NIP7: variants seen among roughly 807,000 people sequenced by gnomAD.
NIP7 encodes the protein 60S ribosome subunit biogenesis protein NIP7 homolog.
Under a neutral mutation model 20.1 loss-of-function variants are expected in NIP7, and 12 were observed. The ratio of observed to expected loss-of-function variants is 0.60; its 90% CI spans 0.38 to 0.97. The LOEUF (loss-of-function observed/expected upper bound fraction) is 0.97, where lower values mean the gene tolerates loss of function less well. Ranked by LOEUF, NIP7 falls within the 50% of genes least tolerant of loss-of-function variation. The pLI is 0.00. For synonymous variants in NIP7, 103 were observed against 87.2 expected, an observed-to-expected ratio of 1.18 and a Z score of -1.01; for missense variants, 226 against 226.6, an observed-to-expected ratio of 1.00 and a Z score of 0.02.
intron 4 of NIP7, 69 bp from the exon 5 acceptor site, chr16:69,341,464 A>C (rs774334140): frequency 6.3e-7 from 1 of 1,591,122 alleles, no homozygotes; most frequent in South Asian, 1.1e-5. Context: ...CGTCTTTGTT[A>C]TTTCCAGCCC....
rs897152092 is a variant in NIP7 at position 69,339,807 on chromosome 16, G to A, written c.-23G>A. 6.2e-7 allele frequency: 1 copy of A among 1,612,158 alleles called. No individual in the cohort carries two copies. The highest frequency in any genetic ancestry group is 8.5e-7 in the Non-Finnish European group (1 of 1,179,824). Reference sequence around the variant, plus strand: ...TCCAGTTACCAAGGCACGAGGATCCGGTGTTCCAACCCAGGGGGAAAAATG... The same window carrying A: ...TCCAGTTACCAAGGCACGAGGATCCAGTGTTCCAACCCAGGGGGAAAAATG... On this transcript the variant is annotated 5_prime_UTR_variant, in exon 1 of 5. Transcript: ENST00000254940.
At position 69,342,866 on chromosome 16, in the gene NIP7, A is replaced by G. The variant is rs2012599026; in HGVS notation, c.*1214A>G. 1 of 152,136 alleles carries G rather than the reference A, an allele frequency of 6.6e-6. No homozygotes were observed. Among genetic ancestry groups the G allele is most frequent in the Admixed American group, 6.6e-5 (1 of 15,252 alleles). The allele number at this position is 152,136 out of a possible 1,614,324, so 9.4% of individuals were successfully genotyped here. On this transcript the variant is annotated 3_prime_UTR_variant, in exon 5 of 5. Transcript: ENST00000254940. ...ACCTTTACTTACTTGACTGGATTGG[A>G]CTAAAAGCACTGATCAGAGGCCACG...
In NIP7 at chr16:69,342,890, C is replaced by A. The variant is rs531739204; in HGVS notation, c.*1238C>A. On this transcript the variant is annotated 3_prime_UTR_variant, in exon 5 of 5. Coordinates refer to ENST00000254940, the MANE Select transcript of NIP7 (RefSeq NM_016101.5). ...GACTAAAAGCACTGATCAGAGGCCA[C>A]GACATAAAAATTCAGTCCCTTTGTC... 1 of 152,568 alleles carries A rather than the reference C, an allele frequency of 6.6e-6. No homozygotes were observed. Among genetic ancestry groups the A allele is most frequent in the East Asian group, 1.9e-4 (1 of 5,180 alleles). The allele number at this position is 152,568 out of a possible 1,614,324, so 9.5% of individuals were successfully genotyped here.
rs746203347 is a variant in NIP7, at chr16:69,340,287, T to C, written c.237T>C (p.Phe79=). 1 of 1,613,958 alleles carries C rather than the reference T, an allele frequency of 6.2e-7. No homozygotes were observed. Among genetic ancestry groups the C allele is most frequent in the Non-Finnish European group, 8.5e-7 (1 of 1,180,044 alleles). ...GAAAATTCACTAAAACCCACAAGTT[T>C]CGGTTGCACGTCACAGCTCTGGATT... ...CFGKFTKTHK[F]RLHVTALDYL... The change falls in exon 3 of 5, where the codon TTT becomes TTC. Residue 79 remains phenylalanine (F), a synonymous_variant. Coordinates refer to ENST00000254940, the MANE Select transcript of NIP7 (RefSeq NM_016101.5).
chr16:69,341,336 A>C lies in NIP7; in HGVS notation c.423+16A>C. On this transcript the variant is annotated intron_variant, in intron 4 of 4. Transcript: ENST00000254940. Reference sequence around the variant, plus strand: ...CATCCCTTTGGTGAGTAGAGATGGTAGCTGTTACAGAACTCAAGTACTCTT... The same window carrying C: ...CATCCCTTTGGTGAGTAGAGATGGTCGCTGTTACAGAACTCAAGTACTCTT... 1 of 1,612,512 alleles carries C rather than the reference A, an allele frequency of 6.2e-7. No individual in the cohort carries two copies. The highest frequency in any genetic ancestry group is 1.3e-5 in the African/African-American group (1 of 74,644).
At chr16:69,340,901 C>G (rs990870360) in intron 3 of NIP7, 1 of 292,242 alleles carries the variant, frequency 3.4e-6, no homozygotes, top group South Asian at 3.6e-5. Flanking sequence ...TTAGTAGAGA[C>G]AGTGTTTCAC....
At chr16:69,341,149 T>C in intron 3 of NIP7, 31 bp from the exon 4 acceptor site, 1 of 1,592,938 alleles carries the variant, frequency 6.3e-7, no homozygotes. Flanking sequence ...AGTAACGTTT[T>C]TATGTCTCTT....
rs1232541857 is a variant in NIP7, at chr16:69,342,352, T to TGG, written c.*702_*703dup. 1 of 152,252 alleles carries TGG rather than the reference T, an allele frequency of 6.6e-6. No individual in the cohort carries two copies. Among genetic ancestry groups the TGG allele is most frequent in the Non-Finnish European group, 1.5e-5 (1 of 68,032 alleles). The allele number at this position is 152,252 out of a possible 1,614,324, so 9.4% of individuals were successfully genotyped here. A position where few individuals can be genotyped will look rare whatever the true frequency, so the allele number is the denominator to read the frequency against. On this transcript the variant is annotated 3_prime_UTR_variant, in exon 5 of 5. Transcript: ENST00000254940. ...GCTCGCGCCTGTAATCCCAGCACTT[T>TGG]GGGAGGCCAAGGCGGACGGATCACT...
rs1164796733 is a variant in NIP7, at chr16:69,340,329, C to T, written c.279C>T (p.Ala93=). The part of the protein sequence containing the change: ...VTALDYLAPY[A]KYKVWIKPGA... ...CTCTGGATTACCTTGCACCTTATGCCAAGGTTTGTGGGGCGGTTTCCAATT... is the reference window on the plus strand; with the variant it reads ...CTCTGGATTACCTTGCACCTTATGCTAAGGTTTGTGGGGCGGTTTCCAATT... The change falls in exon 3 of 5, where the codon GCC becomes GCT. Residue 93 remains alanine, a synonymous_variant. Coordinates refer to ENST00000254940, the MANE Select transcript of NIP7 (RefSeq NM_016101.5). The T allele has an allele frequency of 1.9e-6, 3 of 1,611,500 alleles. No individual in the cohort carries two copies. The African/African-American group carries it at 4.0e-5, about 21-fold the overall frequency.
intron 3 of NIP7, 112 bp from the exon 4 acceptor site, chr16:69,341,068 T>G: frequency 1.1e-6 from 1 of 918,350 alleles, no homozygotes; most frequent in Non-Finnish European, 1.6e-6. Flanking sequence ...TGAGTCTCTC[T>G]GTTTCCCTTA....
rs2142673730 is a variant in NIP7, at chr16:69,341,964, C to T, written c.*312C>T. On this transcript the variant is annotated 3_prime_UTR_variant, in exon 5 of 5. Transcript: ENST00000254940. ...AGGAACAAGAATAGCTTATTGTTAT[C>T]TGTGATAACACTGTTTTCTAAACAC... 4.7e-6 allele frequency: 1 copy of T among 214,580 alleles called. No homozygotes were observed. Among genetic ancestry groups the T allele is most frequent in the Non-Finnish European group, 9.3e-6 (1 of 107,250 alleles). The allele number at this position is 214,580 out of a possible 1,614,324, so 13.3% of individuals were successfully genotyped here. A position where few individuals can be genotyped will look rare whatever the true frequency, so the allele number is the denominator to read the frequency against.
chr16:69,339,973 G>A (rs1387325324), intron 1 of NIP7, 33 bp from the exon 2 acceptor site: 5 of 1,613,158 alleles, frequency 3.1e-6, no homozygotes, highest in Non-Finnish European at 3.4e-6. Flanking sequence ...CGGTTCGTTC[G>A]GGCGCGGTCT....
At chr16:69,340,909 C>T (rs2012516737) in intron 3 of NIP7, 1 of 314,564 alleles carries the variant, frequency 3.2e-6, no homozygotes. Flanking sequence ...GACAGTGTTT[C>T]ACTGTGTTGG....
In NIP7 at chr16:69,341,396, G is replaced by A; in HGVS notation, c.423+76G>A. ...GGGTATGTCTTCAATCTGAGTGCTT[G>A]AGAGAATAAATTCTCAGCACGTTTT... On this transcript the variant is annotated intron_variant, in intron 4 of 4. Transcript: ENST00000254940. 2.5e-6 allele frequency: 4 copies of A among 1,572,832 alleles called. No homozygotes were observed. The South Asian group carries it at 3.4e-5, about 14-fold the overall frequency.
chr16:69,340,050 C>A lies in NIP7; in HGVS notation c.101C>A (p.Thr34Asn), dbSNP rs757074676. The A allele has an allele frequency of 3.1e-6, 5 of 1,614,040 alleles. 1 individual carries two copies. In the South Asian group the frequency reaches 5.5e-5, roughly 18 times the overall value. Residue 34 changes from threonine to asparagine, a missense_variant, in exon 2 of 5, where the codon ACC becomes AAC. By Grantham distance (65) the Thr-to-Asn change is moderately conservative. Transcript: ENST00000254940. ...CTGCTGGTGGACCGGCCCGATGGCA[C>A]CTACTGTTTCCGTCTGCACAACGAC... is the stretch of plus-strand genomic sequence containing the variant. ...LQLLVDRPDG[T>N]YCFRLHNDRV...
rs1597229692 is a variant in NIP7 at position 69,341,843 on chromosome 16, T to C, written c.*191T>C. On this transcript the variant is annotated 3_prime_UTR_variant, in exon 5 of 5. Coordinates refer to ENST00000254940, the MANE Select transcript of NIP7 (RefSeq NM_016101.5). ...ATTATATACAGAGATGGCTCAAAAATGGGGTTTCAGATCTTTGTGACGAAA... is the reference window on the plus strand; with the variant it reads ...ATTATATACAGAGATGGCTCAAAAACGGGGTTTCAGATCTTTGTGACGAAA... 1 of 541,878 alleles carries C rather than the reference T, an allele frequency of 1.8e-6. No individual in the cohort carries two copies. The highest frequency in any genetic ancestry group is 3.1e-6 in the Non-Finnish European group (1 of 322,206). The allele number at this position is 541,878 out of a possible 1,614,324, so 33.6% of individuals were successfully genotyped here. A position where few individuals can be genotyped will look rare whatever the true frequency, so the allele number is the denominator to read the frequency against.
At position 69,341,221 on chromosome 16, in the gene NIP7, G is replaced by T; in HGVS notation, c.324G>T (p.Leu108=). 1 of 1,614,106 alleles carries T rather than the reference G, an allele frequency of 6.2e-7. No homozygotes were observed. Among genetic ancestry groups the T allele is most frequent in the Non-Finnish European group, 8.5e-7 (1 of 1,179,964 alleles). The part of the protein sequence containing the change: ...WIKPGAEQSF[L]YGNHVLKSGL... ...AGCCTGGTGCAGAGCAGTCCTTCCT[G>T]TATGGGAACCATGTGTTGAAATCTG... Residue 108 remains leucine, a synonymous_variant, in exon 4 of 5, where the codon CTG becomes CTT. Transcript: ENST00000254940.
rs1209771808 is a variant in NIP7 at position 69,340,059 on chromosome 16, T to A, written c.110T>A (p.Phe37Tyr). 6 of 1,613,972 alleles carry A rather than the reference T, an allele frequency of 3.7e-6. No homozygotes were observed. The South Asian group carries it at 6.6e-5, about 18-fold the overall frequency. The stretch of plus-strand genomic sequence containing the variant: ...GACCGGCCCGATGGCACCTACTGTT[T>A]CCGTCTGCACAACGACCGGGTGTAC... ...LVDRPDGTYC[F>Y]RLHNDRVYYV... Residue 37 changes from phenylalanine (F) to tyrosine (Y), a missense_variant, in exon 2 of 5, where the codon TTC becomes TAC. Phe to Tyr is a conservative substitution (Grantham distance 22, BLOSUM62 3). Coordinates refer to ENST00000254940, the MANE Select transcript of NIP7 (RefSeq NM_016101.5).
rs2012566805 is a variant in NIP7, at chr16:69,341,870, A to G, written c.*218A>G. ...GGGTTTCAGATCTTTGTGACGAAAT[A>G]GAATACTGTTTCATATTTGAATCAG... On this transcript the variant is annotated 3_prime_UTR_variant, in exon 5 of 5. Transcript: ENST00000254940. 7.0e-6 allele frequency: 3 copies of G among 430,764 alleles called. No homozygotes were observed. The highest frequency in any genetic ancestry group is 4.1e-5 in the South Asian group (1 of 24,496). 26.7% of individuals were successfully genotyped at this position (430,764 alleles called of 1,614,324 possible). A position where few individuals can be genotyped will look rare whatever the true frequency, so the allele number is the denominator to read the frequency against.
Sources: allele counts gnomAD v4.1 joint callset, GRCh38; gene constraint gnomAD v4.1.1; transcripts MANE v1.5; gene names NCBI Gene and HGNC (gene_info 2026-07-23, HGNC 2026-07-21).